PCDH15: variants seen among roughly 807,000 people sequenced by gnomAD.
PCDH15 encodes protocadherin related 15.
PCDH15 carries 129 observed loss-of-function variants against 178.5 expected under a neutral mutation model. That is an observed-to-expected ratio of 0.72 (90% CI 0.63 to 0.84). The LOEUF (loss-of-function observed/expected upper bound fraction) is 0.84. Ranked by LOEUF, PCDH15 falls within the 40% of genes least tolerant of loss-of-function variation. PCDH15 has a pLI of 0.00. For synonymous variants in PCDH15, 800 were observed against 732.0 expected (o/e 1.09, Z -1.50); for missense variants, 2,230 against 2,099.9 (o/e 1.06, Z -1.21).
At chr10:54,137,311 C>T (rs78737652) in intron 14 of PCDH15, among the ~76,000 whole-genome samples, 6 of 152,050 alleles carry the variant, frequency 3.9e-5, no homozygotes, top group East Asian at 3.9e-4. Flanking sequence ...TTTCTAAAAA[C>T]GAATCTCATA....
At chr10:54,771,656 C>CA (rs1036071690) in intron 1 of PCDH15, among the ~76,000 whole-genome samples, 111 of 151,120 alleles carry the variant, frequency 7.3e-4, no homozygotes, top group Admixed American at 7.2e-4. Flanking sequence ...ATTGCCAATC[C>CA]AAAAAAAACA....
intron 2 of PCDH15, among the ~76,000 whole-genome samples, chr10:54,651,590 G>C (rs2094262613): frequency 6.6e-6 from 1 of 152,116 alleles, no homozygotes; most frequent in East Asian, 1.9e-4. Context: ...TCATGGGTAG[G>C]TGAAAGCAAG....
At chr10:55,283,650 G>A (rs1415676464) in intron 1 of PCDH15, among the ~76,000 whole-genome samples, 1 of 150,166 alleles carries the variant, frequency 6.7e-6, no homozygotes, top group East Asian at 1.9e-4. Context: ...TAAGTACTTG[G>A]TATAGAGCTT....
At position 54,317,539 on chromosome 10, in the gene PCDH15, C is replaced by T. The variant is rs142138341; in HGVS notation, c.706-98G>A. On this transcript the variant is annotated intron_variant, in intron 7 of 37. Transcript: ENST00000644397. ...CCTGTAATCCCAGAACTTTGGGAGG[C>T]CAAGGTGGGTGGATCACTTGAGGTC... The T allele has an allele frequency of 1.4e-4, 191 of 1,383,628 alleles. 1 individual carries two copies. The African/African-American group carries it at 2.5e-3, about 18-fold the overall frequency. 85.7% of individuals were successfully genotyped at this position (1,383,628 alleles called of 1,614,324 possible). A position where few individuals can be genotyped will look rare whatever the true frequency, so the allele number is the denominator to read the frequency against.
intron 2 of PCDH15, among the ~76,000 whole-genome samples, chr10:55,115,633 T>C (rs1175154169): frequency 6.6e-6 from 1 of 152,182 alleles, no homozygotes; most frequent in Admixed American, 6.5e-5. Context: ...CCAATTTTTA[T>C]AGTCTGTATA....
At chr10:55,378,203 A>G (rs1457130912) in intron 2 of PCDH15, among the ~76,000 whole-genome samples, 1 of 152,150 alleles carries the variant, frequency 6.6e-6, no homozygotes, top group Non-Finnish European at 1.5e-5. Flanking sequence ...AACTTAAAGT[A>G]TAATAATAAT....
At chr10:55,022,393 T>C (rs12251194) in intron 2 of PCDH15, among the ~76,000 whole-genome samples, 9,580 of 146,532 alleles carry the variant, frequency 0.065, 576 homozygotes, top group African/African-American at 0.16. Context: ...CGGAGGTTAC[T>C]GTGAGCCAAG....
intron 2 of PCDH15, among the ~76,000 whole-genome samples, chr10:55,567,703 A>C (rs1842330163): frequency 6.6e-6 from 1 of 151,950 alleles, no homozygotes; most frequent in Admixed American, 6.6e-5. Flanking sequence ...CAACATCACT[A>C]ATCATTAGGA....
At chr10:54,300,504 T>C (rs2133250679) in intron 8 of PCDH15, among the ~76,000 whole-genome samples, 1 of 152,294 alleles carries the variant, frequency 6.6e-6, no homozygotes, top group East Asian at 1.9e-4. Flanking sequence ...AGTTCCCCTC[T>C]GGAGGACACT....
chr10:54,179,744 A>T (rs1165290887), intron 13 of PCDH15, among the ~76,000 whole-genome samples: 1 of 152,174 alleles, frequency 6.6e-6, no homozygotes, highest in East Asian at 1.9e-4. Flanking sequence ...TTTAAATACA[A>T]ACATCTTAGA....
chr10:54,539,539 C>T (rs949276071), intron 2 of PCDH15, among the ~76,000 whole-genome samples: 2 of 152,276 alleles, frequency 1.3e-5, no homozygotes, highest in African/African-American at 4.8e-5. Flanking sequence ...TGGGGGTCTT[C>T]AACACCCCAC....
chr10:54,146,659 T>G (rs1307362933), intron 14 of PCDH15, among the ~76,000 whole-genome samples: 1 of 151,542 alleles, frequency 6.6e-6, no homozygotes, highest in Non-Finnish European at 1.5e-5. Context: ...TTTAGCTGGT[T>G]TACTAAATTA....
At chr10:54,574,524 A>G (rs911804128) in intron 2 of PCDH15, among the ~76,000 whole-genome samples, 1 of 151,238 alleles carries the variant, frequency 6.6e-6, no homozygotes, top group Non-Finnish European at 1.5e-5. Flanking sequence ...GAAGACATTT[A>G]TGCAGCCAAA....
chr10:55,216,470 C>T (rs1840705306), intron 1 of PCDH15, among the ~76,000 whole-genome samples: 1 of 151,784 alleles, frequency 6.6e-6, no homozygotes, highest in Non-Finnish European at 1.5e-5. Context: ...TGGAAAGAGA[C>T]TTGTCAAGGA....
rs34014038 is a variant in PCDH15 at position 54,720,518 on chromosome 10, CA to C, written c.-28-56229del. On this transcript the variant is annotated intron_variant, in intron 1 of 37. Transcript: ENST00000644397. The stretch of plus-strand genomic sequence containing the variant: ...TTGGAAGACTATTTTTAGTCTCTTC[CA>C]AAAAAAAATACCAGCTAACAATTTT... 2.9e-4 allele frequency among the ~76,000 whole-genome samples: 44 copies of C among 149,526 alleles called. 2 individuals carry two copies. Among genetic ancestry groups the C allele is most frequent in the African/African-American group, 8.1e-4 (33 of 40,570 alleles).
At chr10:55,092,107 G>A (rs913574192) in intron 2 of PCDH15, among the ~76,000 whole-genome samples, 11 of 151,734 alleles carry the variant, frequency 7.2e-5, no homozygotes, top group Admixed American at 1.3e-4. Flanking sequence ...GAAAAGCTCA[G>A]GTACTAAAAT....
At chr10:55,067,224 C>T (rs1841588005) in intron 2 of PCDH15, among the ~76,000 whole-genome samples, 1 of 151,938 alleles carries the variant, frequency 6.6e-6, no homozygotes. Context: ...CATTAACCAA[C>T]CTCCCTTCAT....
intron 24 of PCDH15, among the ~76,000 whole-genome samples, chr10:53,940,387 A>G (rs567734491): frequency 6.6e-6 from 1 of 152,278 alleles, no homozygotes; most frequent in East Asian, 1.9e-4. Context: ...TAACATGCAT[A>G]GCTTTTAACA....
At chr10:55,608,265 A>T (rs1278388820) in intron 2 of PCDH15, among the ~76,000 whole-genome samples, 1 of 150,528 alleles carries the variant, frequency 6.6e-6, no homozygotes, top group African/African-American at 2.4e-5. Flanking sequence ...GATGGAAGAG[A>T]CAGGGAAGAG....
Sources: gnomAD v4.1 joint callset for allele counts (sites outside exome capture counted in the v4.1 genomes callset) on GRCh38, gnomAD v4.1.1 for gene constraint, MANE v1.5 for transcripts, NCBI Gene and HGNC (gene_info 2026-07-23, HGNC 2026-07-21) for gene names.